Variants in MED18 observed in about 807,000 individuals in gnomAD.
MED18 encodes the protein mediator of RNA polymerase II transcription subunit 18.
In MED18, 10 loss-of-function variants were observed where a neutral mutation model predicts 13.9. The observed-to-expected ratio is 0.72, with a 90% CI of 0.44 to 1.22. The LOEUF (loss-of-function observed/expected upper bound fraction) is 1.22, where lower values mean the gene tolerates loss of function less well. Ranked by LOEUF, MED18 falls within the 50% of genes most tolerant of loss-of-function variation. The pLI, the probability that MED18 is intolerant of heterozygous loss-of-function variation, is 0.00. For missense variants in MED18, 216 were observed against 279.0 expected, an observed-to-expected ratio of 0.77 and a Z score of 1.61; for synonymous variants, 88 against 93.2, an observed-to-expected ratio of 0.94 and a Z score of 0.32.
At chr1:28,332,145 G>A (rs1378926781) in intron 2 of MED18, among the ~76,000 whole-genome samples, 1 of 152,150 alleles carries the variant, frequency 6.6e-6, no homozygotes, top group Non-Finnish European at 1.5e-5. Flanking sequence ...GCTGTTACAG[G>A]CTTATGCCTG....
At position 28,330,630 on chromosome 1, in the gene MED18, G is replaced by A. The variant is rs765768701; in HGVS notation, c.-33G>A. On this transcript the variant is annotated 5_prime_UTR_variant, in exon 2 of 3. Coordinates refer to ENST00000373842, the MANE Select transcript of MED18 (RefSeq NM_017638.3). ...CGTGCCTTACCTGACTGGGGGCTCT[G>A]AGTCCAGTTGTGTTGTCTTCAACTT... is the stretch of plus-strand genomic sequence containing the variant. 2.5e-6 allele frequency: 4 copies of A among 1,580,930 alleles called. No homozygotes were observed. Among genetic ancestry groups the A allele is most frequent in the African/African-American group, 2.7e-5 (2 of 73,536 alleles).
At chr1:28,331,193 CAA>C (rs879867932) in intron 2 of MED18, among the ~76,000 whole-genome samples, 5 of 93,350 alleles carry the variant, frequency 5.4e-5, no homozygotes, top group Admixed American at 1.2e-4. Context: ...GACTCTGTCT[CAA>C]AAAAAAAAAA....
At chr1:28,333,508 C>G (rs923438604) in intron 2 of MED18, among the ~76,000 whole-genome samples, 1 of 152,190 alleles carries the variant, frequency 6.6e-6, no homozygotes, top group Non-Finnish European at 1.5e-5. Context: ...GATGAAGATT[C>G]TATGAAGCAA....
Position 28,334,672 on chromosome 1 carries a change from C to T in MED18, c.329C>T (p.Thr110Ile). 1 of 1,614,198 alleles carries T rather than the reference C, an allele frequency of 6.2e-7. No homozygotes were observed. The highest frequency in any genetic ancestry group is 1.7e-5 in the Admixed American group (1 of 60,018). Residue 110 changes from threonine (T) to isoleucine (I), a missense_variant, in exon 3 of 3, where the codon ACA becomes ATA. By Grantham distance (89) the Thr-to-Ile change is moderately conservative (BLOSUM62 -1). Transcript: ENST00000373842. ...ALVRNCVDIATSENLTDFLME... is the reference protein window; with the variant it reads ...ALVRNCVDIAISENLTDFLME... ...GTGCGAAACTGCGTGGACATTGCCA[C>T]ATCTGAGAACCTCACCGACTTCTTG...
intron 2 of MED18, among the ~76,000 whole-genome samples, chr1:28,330,995 A>G (rs1230648502): frequency 1.3e-5 from 2 of 152,134 alleles, no homozygotes; most frequent in Non-Finnish European, 2.9e-5. Context: ...GATGGAGACC[A>G]TCCTGGCTAA....
At chr1:28,334,358 T>C in intron 2 of MED18, 59 bp from the exon 3 acceptor site, 1 of 1,529,686 alleles carries the variant, frequency 6.5e-7, no homozygotes, top group Non-Finnish European at 8.8e-7. Flanking sequence ...TTCAATTGTA[T>C]ACTAACTCCA....
chr1:28,332,017 A>G (rs1649753655), intron 2 of MED18, among the ~76,000 whole-genome samples: 1 of 152,178 alleles, frequency 6.6e-6, no homozygotes, highest in Non-Finnish European at 1.5e-5. Flanking sequence ...AGCTGGGATT[A>G]CAGGCGTGAG....
intron 2 of MED18, among the ~76,000 whole-genome samples, chr1:28,332,316 C>T (rs1649767308): frequency 2.0e-5 from 3 of 150,600 alleles, no homozygotes; most frequent in Admixed American, 6.7e-5. Flanking sequence ...GAGGCTGAGG[C>T]GGGAGGATCA....
chr1:28,329,691 A>C (rs1383937352), intron 1 of MED18, among the ~76,000 whole-genome samples: 1 of 151,934 alleles, frequency 6.6e-6, no homozygotes, highest in Non-Finnish European at 1.5e-5. Flanking sequence ...GGTTATAGTG[A>C]GCTAGGAACT....
rs1237196504 is a variant in MED18, at chr1:28,334,736, T to C, written c.393T>C (p.Ala131=). The change falls in exon 3 of 3, where the codon GCT becomes GCC. Residue 131 remains alanine (A), a synonymous_variant. Transcript: ENST00000373842. ...MGFRMDHEFV[A]KGHLFRKGIM... is the part of the protein sequence containing the mutation. ...TCCGCATGGACCATGAGTTTGTTGCTAAGGGACATTTGTTCCGTAAGGGCA... is the reference window on the plus strand; with the variant it reads ...TCCGCATGGACCATGAGTTTGTTGCCAAGGGACATTTGTTCCGTAAGGGCA... 1.9e-6 allele frequency: 3 copies of C among 1,614,196 alleles called. No individual in the cohort carries two copies. The highest frequency in any genetic ancestry group is 2.5e-6 in the Non-Finnish European group (3 of 1,180,044).
rs763988317 is a variant in MED18, at chr1:28,334,663, A to C, written c.320A>C (p.Asp107Ala). 1 of 1,614,230 alleles carries C rather than the reference A, an allele frequency of 6.2e-7. No individual in the cohort carries two copies. The highest frequency in any genetic ancestry group is 1.7e-5 in the Admixed American group (1 of 60,020). The change falls in exon 3 of 3, where the codon GAC (aspartate) becomes GCC (alanine). Residue 107 changes from aspartate to alanine, a missense_variant. Coordinates refer to ENST00000373842, the MANE Select transcript of MED18 (RefSeq NM_017638.3). ...NRHALVRNCV[D>A]IATSENLTDF... ...CATGCCCTGGTGCGAAACTGCGTGG[A>C]CATTGCCACATCTGAGAACCTCACC...
rs764008477 is a variant in MED18, at chr1:28,335,659, G to A, written c.*689G>A. The A allele has an allele frequency of 1.3e-5, 2 of 151,720 alleles. No homozygotes were observed. The highest frequency in any genetic ancestry group is 2.4e-5 in the African/African-American group (1 of 41,314). 9.4% of individuals were successfully genotyped at this position (151,720 alleles called of 1,614,324 possible). ...CCAAATGGTGAAACCCCATCTCTAC[G>A]AAAAATACAAAATTTAGCCGGGCAT... On this transcript the variant is annotated 3_prime_UTR_variant, in exon 3 of 3. Coordinates refer to ENST00000373842, the MANE Select transcript of MED18 (RefSeq NM_017638.3).
At chr1:28,331,911 T>C (rs1029474818) in intron 2 of MED18, among the ~76,000 whole-genome samples, 1 of 152,064 alleles carries the variant, frequency 6.6e-6, no homozygotes, top group Non-Finnish European at 1.5e-5. Flanking sequence ...GCCAGCTAAT[T>C]TTTGTATTTT....
chr1:28,334,471 G>T lies in MED18; in HGVS notation c.128G>T (p.Cys43Phe). Reference sequence around the variant, plus strand: ...CTCATCCACCGCCTTCGTGGTTTGTGTGACAACATGGAACCTGAGACTTTC... The same window carrying T: ...CTCATCCACCGCCTTCGTGGTTTGTTTGACAACATGGAACCTGAGACTTTC... ...ESLIHRLRGL[C>F]DNMEPETFLD... The change falls in exon 3 of 3, where the codon TGT becomes TTT. Residue 43 changes from cysteine to phenylalanine, a missense_variant. Cys to Phe is a radical substitution (Grantham distance 205). Coordinates refer to ENST00000373842, the MANE Select transcript of MED18 (RefSeq NM_017638.3). The T allele has an allele frequency of 6.2e-7, 1 of 1,614,208 alleles. No individual in the cohort carries two copies. The highest frequency in any genetic ancestry group is 8.5e-7 in the Non-Finnish European group (1 of 1,180,044).
At chr1:28,332,176 G>A (rs1649760872) in intron 2 of MED18, among the ~76,000 whole-genome samples, 2 of 152,108 alleles carry the variant, frequency 1.3e-5, no homozygotes, top group Non-Finnish European at 2.9e-5. Context: ...TGTTTGGGAG[G>A]CTAAGGCTGC....
At chr1:28,333,731 A>C (rs1356319837) in intron 2 of MED18, among the ~76,000 whole-genome samples, 1 of 152,080 alleles carries the variant, frequency 6.6e-6, no homozygotes, top group Non-Finnish European at 1.5e-5. Context: ...GTGGTGGCAC[A>C]CGCCTGTAGT....
chr1:28,335,822 C>T lies in MED18; in HGVS notation c.*852C>T, dbSNP rs1166974178. On this transcript the variant is annotated 3_prime_UTR_variant, in exon 3 of 3. Transcript: ENST00000373842. Reference sequence around the variant, plus strand: ...GGGTGAGAAGAGCGAAACTCCGTCTCAAAAAAAAATAAAAATGAAGAGGGG... The same window carrying T: ...GGGTGAGAAGAGCGAAACTCCGTCTTAAAAAAAAATAAAAATGAAGAGGGG... The T allele has an allele frequency of 6.8e-6, 1 of 146,472 alleles. No homozygotes were observed. The highest frequency in any genetic ancestry group is 2.5e-5 in the African/African-American group (1 of 39,692). The allele number at this position is 146,472 out of a possible 1,614,324, so 9.1% of individuals were successfully genotyped here.
chr1:28,332,034 C>T lies in MED18; in HGVS notation c.73+1299C>T, dbSNP rs533354150. On this transcript the variant is annotated intron_variant, in intron 2 of 2. Transcript: ENST00000373842. ...CTGGGATTACAGGCGTGAGCCACCGCGCCCAGCCAGATTTTGTAAACAAGT... is the reference window on the plus strand; with the variant it reads ...CTGGGATTACAGGCGTGAGCCACCGTGCCCAGCCAGATTTTGTAAACAAGT... Among the ~76,000 whole-genome samples, 13 of 152,254 alleles carry T rather than the reference C, an allele frequency of 8.5e-5. 1 individual carries two copies. Among genetic ancestry groups the T allele is most frequent in the Admixed American group, 5.9e-4 (9 of 15,282 alleles).
chr1:28,330,426 A>G (rs984922322), intron 1 of MED18, 171 bp from the exon 2 acceptor site: 4 of 379,706 alleles, frequency 1.1e-5, no homozygotes, highest in Non-Finnish European at 1.9e-5. Context: ...CTGTAACTCC[A>G]TGACCAGATC....
Sources: allele counts gnomAD v4.1 joint callset (sites outside exome capture counted in the v4.1 genomes callset), GRCh38; gene constraint gnomAD v4.1.1; transcripts MANE v1.5; gene names NCBI Gene and HGNC (gene_info 2026-07-23, HGNC 2026-07-21).